FYB1: variants seen among roughly 807,000 people sequenced by gnomAD.
FYB1 encodes FYN binding protein 1.
In FYB1, 41 loss-of-function variants were observed where a neutral mutation model predicts 94.1. That is an observed-to-expected ratio of 0.44 (90% CI 0.34 to 0.57). FYB1 has a LOEUF of 0.57. Ranked by LOEUF, FYB1 falls within the 20% of genes least tolerant of loss-of-function variation. The probability of loss-of-function intolerance (pLI) is 0.02; values close to 1 mark genes in which losing one functional copy is unlikely to be tolerated. For missense variants in FYB1, 1,050 were observed against 976.8 expected, an observed-to-expected ratio of 1.07 and a Z score of -1.00; for synonymous variants, 367 against 353.2, an observed-to-expected ratio of 1.04 and a Z score of -0.44.
Position 39,210,508 on chromosome 5 carries a change from G to C in FYB1, c.-27-7521C>G, listed in dbSNP as rs543993226. On this transcript the variant is annotated intron_variant, in intron 1 of 18. Coordinates refer to ENST00000512982, the MANE Select transcript of FYB1 (RefSeq NM_001465.6). ...GATGGTCCACCTCCCAAATGCTGGC[G>C]CCTTGTATTCTCTATAAGGCATGTG... 2.9e-4 allele frequency among the ~76,000 whole-genome samples: 44 copies of C among 152,310 alleles called. 1 individual carries two copies. Among genetic ancestry groups the C allele is most frequent in the Admixed American group, 2.7e-3 (41 of 15,296 alleles).
At chr5:39,252,500 A>G (rs1321547239) in intron 1 of FYB1, among the ~76,000 whole-genome samples, 1 of 152,262 alleles carries the variant, frequency 6.6e-6, no homozygotes. Context: ...GCAAGGAAGG[A>G]GAAATCAATT....
intron 3 of FYB1, among the ~76,000 whole-genome samples, chr5:39,147,835 C>T (rs1228049018): frequency 6.6e-6 from 1 of 151,550 alleles, no homozygotes; most frequent in Non-Finnish European, 1.5e-5. Context: ...CGCCCGCCAC[C>T]ACGCCCGGCT....
chr5:39,179,650 A>C (rs992086470), intron 2 of FYB1, among the ~76,000 whole-genome samples: 5 of 149,586 alleles, frequency 3.3e-5, no homozygotes, highest in Non-Finnish European at 7.4e-5. Context: ...AGTTCAAGCG[A>C]TTCTCCTGCC....
At chr5:39,255,345 C>T (rs1003197608) in intron 1 of FYB1, among the ~76,000 whole-genome samples, 6 of 151,856 alleles carry the variant, frequency 4.0e-5, no homozygotes, top group Non-Finnish European at 8.8e-5. Flanking sequence ...TGGAAGTTAA[C>T]ACCAACGTAC....
chr5:39,225,507 A>G (rs1216866047), intron 1 of FYB1, among the ~76,000 whole-genome samples: 1 of 152,158 alleles, frequency 6.6e-6, no homozygotes, highest in African/African-American at 2.4e-5. Flanking sequence ...ATGAAAACTC[A>G]CTGCCCATGC....
chr5:39,107,331 G>T lies in FYB1; in HGVS notation c.*112C>A. 1.6e-6 allele frequency: 1 copy of T among 626,924 alleles called. No homozygotes were observed. Among genetic ancestry groups the T allele is most frequent in the Non-Finnish European group, 2.6e-6 (1 of 379,992 alleles). The allele number at this position is 626,924 out of a possible 1,614,324, so 38.8% of individuals were successfully genotyped here. A position where few individuals can be genotyped will look rare whatever the true frequency, so the allele number is the denominator to read the frequency against. On this transcript the variant is annotated 3_prime_UTR_variant, in exon 19 of 19. Transcript: ENST00000512982. ...AGATAATTGGGATTTCATAACAAAT[G>T]ATAATAAGTGGTTTTGTGCATTAAT...
chr5:39,162,160 C>T lies in FYB1; in HGVS notation c.1136-8556G>A, dbSNP rs75187068. Among the ~76,000 whole-genome samples the T allele has an allele frequency of 2.0e-3, 312 of 152,220 alleles. 2 individuals carry two copies. The highest frequency in any genetic ancestry group is 7.2e-3 in the African/African-American group (298 of 41,518). ...TGCTATGAACGTTAATGTATGTCTTCGTGTGGACCTATGTTTTCATTTCTC... is the reference window on the plus strand; with the variant it reads ...TGCTATGAACGTTAATGTATGTCTTTGTGTGGACCTATGTTTTCATTTCTC... On this transcript the variant is annotated intron_variant, in intron 2 of 18. Transcript: ENST00000512982.
chr5:39,186,479 A>T (rs140664622), intron 2 of FYB1, among the ~76,000 whole-genome samples: 4 of 152,226 alleles, frequency 2.6e-5, no homozygotes, highest in South Asian at 2.1e-4. Context: ...TGAAGTCAAC[A>T]AAGAGTAGAA....
chr5:39,238,876 C>T (rs890482975), intron 1 of FYB1, among the ~76,000 whole-genome samples: 1 of 152,086 alleles, frequency 6.6e-6, no homozygotes, highest in African/African-American at 2.4e-5. Context: ...CACGTGAAAA[C>T]CTCTTTGTGT....
chr5:39,242,497 C>T (rs539340480), intron 1 of FYB1, among the ~76,000 whole-genome samples: 1 of 152,102 alleles, frequency 6.6e-6, no homozygotes, highest in African/African-American at 2.4e-5. Flanking sequence ...GCATAGTATT[C>T]CATGGTGTAT....
chr5:39,199,344 G>A (rs1357885359), intron 2 of FYB1, among the ~76,000 whole-genome samples: 1 of 152,096 alleles, frequency 6.6e-6, no homozygotes, highest in East Asian at 1.9e-4. Context: ...AAAAATAGCA[G>A]TGGCAGGATC....
chr5:39,125,311 A>G lies in FYB1; in HGVS notation c.2045+687T>C, dbSNP rs568264313. Among the ~76,000 whole-genome samples the G allele has an allele frequency of 9.9e-5, 15 of 152,282 alleles. No homozygotes were observed. In the South Asian group the frequency reaches 2.5e-3, roughly 25 times the overall value. ...TAAAACAGAAAGATTTTCTTGTACC[A>G]GGGAATATGATTAAGATCTTTCAAA... On this transcript the variant is annotated intron_variant, in intron 12 of 18. Transcript: ENST00000512982.
intron 2 of FYB1, among the ~76,000 whole-genome samples, chr5:39,186,138 C>CA (rs1746764136): frequency 6.6e-6 from 1 of 152,088 alleles, no homozygotes; most frequent in African/African-American, 2.4e-5. Flanking sequence ...AACATGAACA[C>CA]AAAATCAAGA....
chr5:39,269,688 A>G (rs1420363555), intron 1 of FYB1: 1 of 152,242 alleles, frequency 6.6e-6, no homozygotes, highest in Non-Finnish European at 1.5e-5. Context: ...CAATGTCTGC[A>G]ATGCACAATC....
In FYB1 at chr5:39,124,283, A is replaced by G; in HGVS notation, c.2046-5T>C. On this transcript the variant is annotated splice_region_variant and splice_polypyrimidine_tract_variant and intron_variant, in intron 12 of 18. Transcript: ENST00000512982. The stretch of plus-strand genomic sequence containing the variant: ...TGTTTAGGAGGAGCAGGGAAACTAC[A>G]AAGAAAGTGAGAACACAATTATAAT... The G allele has an allele frequency of 1.3e-6, 2 of 1,549,294 alleles. 1 individual carries two copies. The highest frequency in any genetic ancestry group is 4.8e-5 in the East Asian group (2 of 42,056).
At chr5:39,194,177 A>G (rs1010420900) in intron 2 of FYB1, among the ~76,000 whole-genome samples, 1 of 152,198 alleles carries the variant, frequency 6.6e-6, no homozygotes. Flanking sequence ...TCTCCACAGT[A>G]AATTTAAATG....
chr5:39,134,426 C>T, intron 8 of FYB1, 77 bp from the exon 9 acceptor site: 1 of 1,212,368 alleles, frequency 8.2e-7, no homozygotes, highest in Non-Finnish European at 1.1e-6. Flanking sequence ...ATATCAATTG[C>T]ACATTTGCTC....
At chr5:39,168,798 T>A (rs1043821235) in intron 2 of FYB1, among the ~76,000 whole-genome samples, 5 of 128,792 alleles carry the variant, frequency 3.9e-5, no homozygotes, top group African/African-American at 1.8e-4. Context: ...TAATCATTCA[T>A]ATTAATTCCT....
chr5:39,107,597 A>C (rs1738647929), intron 18 of FYB1, 132 bp from the exon 19 acceptor site: 2 of 472,268 alleles, frequency 4.2e-6, no homozygotes, highest in Admixed American at 8.3e-5. Flanking sequence ...CTCACTTTAT[A>C]AAAAATGAGT....
Sources: allele counts gnomAD v4.1 joint callset (sites outside exome capture counted in the v4.1 genomes callset), GRCh38; gene constraint gnomAD v4.1.1; transcripts MANE v1.5; gene names NCBI Gene and HGNC (gene_info 2026-07-23, HGNC 2026-07-21).